HORMAD1: variants seen among roughly 807,000 people sequenced by gnomAD.
The protein encoded by HORMAD1 is HORMA domain-containing protein 1.
Under a neutral mutation model 58.2 loss-of-function variants are expected in HORMAD1, and 33 were observed. The ratio of observed to expected loss-of-function variants is 0.57; its 90% CI spans 0.43 to 0.76. HORMAD1 has a LOEUF of 0.76. Ranked by LOEUF, HORMAD1 falls within the 30% of genes least tolerant of loss-of-function variation. The probability of loss-of-function intolerance (pLI) is 0.00; values close to 1 mark genes in which losing one functional copy is unlikely to be tolerated. For missense variants in HORMAD1, 363 were observed against 462.0 expected (o/e 0.79, Z 1.96); for synonymous variants, 137 against 144.6 (o/e 0.95, Z 0.38).
At chr1:150,714,038 G>C (rs1352413878) in intron 5 of HORMAD1, 47 bp downstream of exon 5, 1 of 1,166,726 alleles carries the variant, frequency 8.6e-7, no homozygotes, top group Admixed American at 2.0e-5. Context: ...TATATTTGTA[G>C]ATCATAAACT....
At chr1:150,710,485 ATAT>A (rs1471544640) in intron 7 of HORMAD1, among the ~76,000 whole-genome samples, 1 of 152,204 alleles carries the variant, frequency 6.6e-6, no homozygotes, top group Non-Finnish European at 1.5e-5. Flanking sequence ...CATTCAATAA[ATAT>A]TATTATTGTA....
intron 8 of HORMAD1, 112 bp downstream of exon 8, chr1:150,708,782 G>C: frequency 1.6e-6 from 1 of 624,132 alleles, no homozygotes; most frequent in Non-Finnish European, 2.8e-6. Context: ...CATCTTGATG[G>C]TTAATTGGGG....
At chr1:150,701,040 A>G (rs916203384) in intron 13 of HORMAD1, among the ~76,000 whole-genome samples, 2 of 152,196 alleles carry the variant, frequency 1.3e-5, no homozygotes, top group African/African-American at 4.8e-5. Context: ...CTTAGTATAT[A>G]TAATAATGAA....
At position 150,704,223 on chromosome 1, in the gene HORMAD1, G is replaced by A. The variant is rs756102298; in HGVS notation, c.872-29C>T. The stretch of plus-strand genomic sequence containing the variant: ...TAAAAAAAAAAAAAAAAAGTTACCC[G>A]GGTATAAAATTGAGTTGGAAGTGAG... On this transcript the variant is annotated intron_variant, in intron 11 of 14. Transcript: ENST00000361824. 5.3e-6 allele frequency: 8 copies of A among 1,503,368 alleles called. No homozygotes were observed. In the East Asian group the frequency reaches 6.8e-5, roughly 13 times the overall value. 93.1% of individuals were successfully genotyped at this position (1,503,368 alleles called of 1,614,324 possible).
intron 8 of HORMAD1, 61 bp downstream of exon 8, chr1:150,708,833 T>A (rs1473024069): frequency 1.1e-6 from 1 of 870,012 alleles, no homozygotes; most frequent in Non-Finnish European, 1.9e-6. Flanking sequence ...GGTTTAGCTA[T>A]ATAGCATTAA....
In HORMAD1 at chr1:150,719,633, A is replaced by C. The variant is rs587606251; in HGVS notation, c.-33-95T>G. On this transcript the variant is annotated intron_variant, in intron 1 of 14. Transcript: ENST00000361824. ...TAAAATTCAAAACAATTTTATGTGA[A>C]TAAATTTGAATTTCTTTAATTAAAA... 109 of 563,148 alleles carry C rather than the reference A, an allele frequency of 1.9e-4. 1 individual carries two copies. In the South Asian group the frequency reaches 3.1e-3, roughly 16 times the overall value. 34.9% of individuals were successfully genotyped at this position (563,148 alleles called of 1,614,324 possible). A position where few individuals can be genotyped will look rare whatever the true frequency, so the allele number is the denominator to read the frequency against.
intron 7 of HORMAD1, among the ~76,000 whole-genome samples, chr1:150,709,739 G>T (rs12071245): frequency 0.38 from 57,408 of 151,158 alleles, 10,989 homozygotes; most frequent in South Asian, 0.54. Flanking sequence ...TGAATGTCTC[G>T]GTATAAAACC....
intron 10 of HORMAD1, 149 bp downstream of exon 10, chr1:150,706,404 T>G: frequency 1.9e-5 from 13 of 674,888 alleles, no homozygotes; most frequent in Non-Finnish European, 2.7e-5. Context: ...TTTAAAACCA[T>G]AGGCCTAGAC....
intron 7 of HORMAD1, among the ~76,000 whole-genome samples, chr1:150,710,338 C>A (rs1651835933): frequency 6.6e-6 from 1 of 152,076 alleles, no homozygotes. Context: ...GCCACTTAAG[C>A]CTTAGTTTAA....
At position 150,704,109 on chromosome 1, in the gene HORMAD1, A is replaced by C. The variant is rs768097660; in HGVS notation, c.948+9T>G. 1 of 1,552,890 alleles carries C rather than the reference A, an allele frequency of 6.4e-7. No homozygotes were observed. The highest frequency in any genetic ancestry group is 1.4e-5 in the African/African-American group (1 of 72,060). On this transcript the variant is annotated intron_variant, in intron 12 of 14. Coordinates refer to ENST00000361824, the MANE Select transcript of HORMAD1 (RefSeq NM_032132.5). ...AAACAAAAGTGAGATGAAACTATCA[A>C]GTTTATACCTGAGAATGAGAAATAG...
chr1:150,701,466 C>G (rs1040259606), intron 13 of HORMAD1, among the ~76,000 whole-genome samples: 6 of 152,132 alleles, frequency 3.9e-5, no homozygotes, highest in African/African-American at 1.4e-4. Flanking sequence ...TAATAACCAG[C>G]TCTAGGAGAG....
intron 2 of HORMAD1, among the ~76,000 whole-genome samples, chr1:150,718,344 ATTTTTTTT>A (rs34258924): frequency 3.2e-5 from 4 of 125,862 alleles, no homozygotes; most frequent in East Asian, 2.3e-4. Context: ...TGCCTGGCTA[ATTTTTTTT>A]TTTTTTTTTT....
chr1:150,719,556 A>C lies in HORMAD1; in HGVS notation c.-33-18T>G, dbSNP rs1652181086. 3 of 1,363,484 alleles carry C rather than the reference A, an allele frequency of 2.2e-6. No individual in the cohort carries two copies. In the African/African-American group the frequency reaches 4.4e-5, roughly 20 times the overall value. 84.5% of individuals were successfully genotyped at this position (1,363,484 alleles called of 1,614,324 possible). A position where few individuals can be genotyped will look rare whatever the true frequency, so the allele number is the denominator to read the frequency against. On this transcript the variant is annotated intron_variant, in intron 1 of 14. Coordinates refer to ENST00000361824, the MANE Select transcript of HORMAD1 (RefSeq NM_032132.5). ...AATTCAACCTTGTGACACAAATACA[A>C]GCTTTAACTTAGAGCTCATTTTTTT...
chr1:150,701,611 A>G (rs755943103), intron 13 of HORMAD1, among the ~76,000 whole-genome samples: 1 of 152,154 alleles, frequency 6.6e-6, no homozygotes, highest in Admixed American at 6.5e-5. Flanking sequence ...AGAGTGAGCT[A>G]TTTATTTCCT....
At chr1:150,699,650 G>A (rs1190345146) in intron 14 of HORMAD1, among the ~76,000 whole-genome samples, 4 of 150,936 alleles carry the variant, frequency 2.7e-5, no homozygotes, top group Admixed American at 2.0e-4. Flanking sequence ...TCACCCTCCC[G>A]AGTAGCTGGG....
intron 13 of HORMAD1, among the ~76,000 whole-genome samples, chr1:150,701,552 A>G (rs746697870): frequency 6.6e-6 from 1 of 152,192 alleles, no homozygotes; most frequent in East Asian, 1.9e-4. Context: ...TACCAACATG[A>G]TATCTCTGAG....
At chr1:150,720,323 G>C (rs934348316) in intron 1 of HORMAD1, among the ~76,000 whole-genome samples, 21 of 152,078 alleles carry the variant, frequency 1.4e-4, no homozygotes, top group South Asian at 8.3e-4. Context: ...CGGCCCCCAA[G>C]GTGTTGGGAT....
intron 7 of HORMAD1, among the ~76,000 whole-genome samples, chr1:150,709,917 G>T (rs1232841112): frequency 2.0e-5 from 3 of 152,124 alleles, no homozygotes; most frequent in Non-Finnish European, 4.4e-5. Context: ...ACCTTCCCTT[G>T]AACTTAATTA....
In HORMAD1 at chr1:150,714,550, A is replaced by G. The variant is rs905940248; in HGVS notation, c.242+65T>C. The G allele has an allele frequency of 7.3e-5, 59 of 809,662 alleles. No homozygotes were observed. The Middle Eastern group carries it at 7.9e-4, about 11-fold the overall frequency. 50.2% of individuals were successfully genotyped at this position (809,662 alleles called of 1,614,324 possible). ...ATTTGGTTAAACACCAAAGGTATCC[A>G]AGGTACAAAAAAAAGTAAAATGAGA... On this transcript the variant is annotated intron_variant, in intron 4 of 14. Coordinates refer to ENST00000361824, the MANE Select transcript of HORMAD1 (RefSeq NM_032132.5).
Sources: allele counts gnomAD v4.1 joint callset (sites outside exome capture counted in the v4.1 genomes callset), GRCh38; gene constraint gnomAD v4.1.1; transcripts MANE v1.5; gene names NCBI Gene and HGNC (gene_info 2026-07-23, HGNC 2026-07-21).